Variants in IL12RB2 observed in about 807,000 individuals in gnomAD.
The protein encoded by IL12RB2 is interleukin 12 receptor subunit beta 2, also known as interleukin-12 receptor subunit beta-2.
A neutral mutation model predicts 89.4 loss-of-function variants in IL12RB2; 82 were observed. The observed-to-expected ratio is 0.92, with a 90% CI of 0.77 to 1.10. The LOEUF (loss-of-function observed/expected upper bound fraction) is 1.10. IL12RB2 is among the 50% of genes least tolerant of loss of function. The pLI is 0.00. For missense variants in IL12RB2, 963 were observed against 1,031.9 expected (o/e 0.93, Z 0.92); for synonymous variants, 368 against 370.1 (o/e 0.99, Z 0.07).
At chr1:67,317,396 C>A (rs1655916755) in intron 2 of IL12RB2, among the ~76,000 whole-genome samples, 1 of 152,220 alleles carries the variant, frequency 6.6e-6, no homozygotes, top group Non-Finnish European at 1.5e-5. Flanking sequence ...CCATCCCCAG[C>A]TTTTAGAAGC....
intron 7 of IL12RB2, 105 bp from the exon 8 acceptor site, chr1:67,330,555 A>C: frequency 1.5e-6 from 1 of 688,936 alleles, no homozygotes; most frequent in Non-Finnish European, 2.6e-6. Context: ...CTGAAAAACA[A>C]ATAAGATCAA....
chr1:67,372,582 G>A, intron 12 of IL12RB2, 43 bp from the exon 13 acceptor site: 1 of 1,609,590 alleles, frequency 6.2e-7, no homozygotes, highest in South Asian at 1.1e-5. Context: ...TTAATGATTT[G>A]GATTTGGAGG....
At position 67,397,803 on chromosome 1, in the gene IL12RB2, A is replaced by G. The variant is rs774054523; in HGVS notation, c.*1714A>G. ...TTCCCACATGAACGCTGGAACTGAGATGGCTTCCCCATCATCGTCTGGATT... is the reference window on the plus strand; with the variant it reads ...TTCCCACATGAACGCTGGAACTGAGGTGGCTTCCCCATCATCGTCTGGATT... On this transcript the variant is annotated 3_prime_UTR_variant, in exon 17 of 17. Transcript: ENST00000674203. Among the ~76,000 whole-genome samples, 2 of 152,146 alleles carry G rather than the reference A, an allele frequency of 1.3e-5. No homozygotes were observed. Among genetic ancestry groups the G allele is most frequent in the Non-Finnish European group, 2.9e-5 (2 of 68,040 alleles).
intron 10 of IL12RB2, among the ~76,000 whole-genome samples, chr1:67,367,527 G>A (rs928058489): frequency 7.2e-6 from 1 of 139,040 alleles, no homozygotes; most frequent in African/African-American, 2.6e-5. Context: ...GGGAGGGAGG[G>A]AGGAAGGGAG....
intron 9 of IL12RB2, among the ~76,000 whole-genome samples, chr1:67,338,959 C>T (rs1214735588): frequency 1.3e-5 from 2 of 152,164 alleles, no homozygotes; most frequent in Admixed American, 6.6e-5. Flanking sequence ...CATTTCCACC[C>T]TCTGACCCCA....
chr1:67,360,721 A>G (rs1427986321), intron 10 of IL12RB2, among the ~76,000 whole-genome samples: 1 of 151,846 alleles, frequency 6.6e-6, no homozygotes, highest in Non-Finnish European at 1.5e-5. Flanking sequence ...ACTTGAATCC[A>G]GGAGGCAGAG....
intron 10 of IL12RB2, among the ~76,000 whole-genome samples, chr1:67,364,519 T>C (rs1453175627): frequency 6.6e-6 from 1 of 152,220 alleles, no homozygotes; most frequent in Non-Finnish European, 1.5e-5. Flanking sequence ...CAGAACAGAC[T>C]TCAAAGCAGA....
At chr1:67,385,855 A>G (rs1026357091) in intron 14 of IL12RB2, among the ~76,000 whole-genome samples, 5 of 152,164 alleles carry the variant, frequency 3.3e-5, no homozygotes, top group Non-Finnish European at 5.9e-5. Context: ...TAAATATACC[A>G]TCTCTGATCT....
intron 9 of IL12RB2, among the ~76,000 whole-genome samples, chr1:67,345,373 A>G (rs893751378): frequency 7.2e-5 from 11 of 152,230 alleles, no homozygotes; most frequent in African/African-American, 2.7e-4. Flanking sequence ...CAGCTTATTC[A>G]GTACATTCAC....
rs10577525 is a variant in IL12RB2 at position 67,346,378 on chromosome 1, ATTTTTTTTTT to A, written c.1039-4474_1039-4465del. ...TAAAATGTCCAGGTGAGGGTTGTCT[ATTTTTTTTTT>A]TTTTTTTTTTTTTTTTTCGACAGGT... On this transcript the variant is annotated intron_variant, in intron 9 of 16. Transcript: ENST00000674203. 4.3e-3 allele frequency among the ~76,000 whole-genome samples: 405 copies of A among 93,830 alleles called. 5 individuals are homozygous for A. Among genetic ancestry groups the A allele is most frequent in the African/African-American group, 0.018 (359 of 19,440 alleles). The allele number at this position is 93,830 out of a possible 152,430, so 61.6% of individuals were successfully genotyped here.
At chr1:67,387,536 A>T (rs185994563) in intron 15 of IL12RB2, among the ~76,000 whole-genome samples, 28 of 151,364 alleles carry the variant, frequency 1.8e-4, no homozygotes, top group African/African-American at 6.8e-4. Context: ...CCCCATCTCT[A>T]CTAAAAATAC....
At chr1:67,317,702 G>T (rs1655952608) in intron 2 of IL12RB2, among the ~76,000 whole-genome samples, 1 of 152,170 alleles carries the variant, frequency 6.6e-6, no homozygotes, top group Non-Finnish European at 1.5e-5. Context: ...CTACCACAGG[G>T]ATGTTTATAG....
chr1:67,335,039 TCTCTC>T (rs1252930784), intron 8 of IL12RB2, among the ~76,000 whole-genome samples: 5 of 152,224 alleles, frequency 3.3e-5, no homozygotes, highest in Non-Finnish European at 5.9e-5. Context: ...CCTAAACCCT[TCTCTC>T]CTTCACTTGT....
chr1:67,335,579 A>G (rs1045175380), intron 8 of IL12RB2, among the ~76,000 whole-genome samples: 1 of 152,088 alleles, frequency 6.6e-6, no homozygotes, highest in African/African-American at 2.4e-5. Context: ...TCATATTTGT[A>G]TGCTTAGTCA....
intron 3 of IL12RB2, among the ~76,000 whole-genome samples, chr1:67,320,757 A>G (rs913871647): frequency 1.5e-4 from 22 of 151,428 alleles, no homozygotes; most frequent in Middle Eastern, 3.4e-3. Context: ...TTTTTATTAT[A>G]CTTTAAGTTC....
intron 9 of IL12RB2, among the ~76,000 whole-genome samples, chr1:67,349,855 G>T (rs1047657248): frequency 6.6e-6 from 1 of 152,190 alleles, no homozygotes; most frequent in Admixed American, 6.5e-5. Context: ...TAATCAGAAG[G>T]CCAATTTATT....
At chr1:67,313,709 C>A (rs1284864644) in intron 1 of IL12RB2, among the ~76,000 whole-genome samples, 1 of 152,076 alleles carries the variant, frequency 6.6e-6, no homozygotes, top group Non-Finnish European at 1.5e-5. Context: ...GCTTATAGTC[C>A]CAGCTGCTCA....
chr1:67,351,072 T>C lies in IL12RB2; in HGVS notation c.1241T>C (p.Met414Thr), dbSNP rs1660781323. 3.1e-6 allele frequency: 5 copies of C among 1,612,926 alleles called. No homozygotes were observed. Among genetic ancestry groups the C allele is most frequent in the African/African-American group, 1.3e-5 (1 of 74,896 alleles). The change falls in exon 10 of 17, where the codon ATG becomes ACG. Residue 414 changes from methionine (M) to threonine (T), a missense_variant. Transcript: ENST00000674203. ...TCTCTGCCCACTCGTATTAACATAA[T>C]GAACCTGTGTGAGGCAGGTAAGTTC... ...GSSLPTRINIMNLCEAGLLAP... is the reference protein window; with the variant it reads ...GSSLPTRINITNLCEAGLLAP...
At chr1:67,332,134 G>A (rs577313505) in intron 8 of IL12RB2, among the ~76,000 whole-genome samples, 11 of 152,040 alleles carry the variant, frequency 7.2e-5, no homozygotes, top group African/African-American at 2.4e-4. Flanking sequence ...TTCAAGGAAC[G>A]GAAGGGCCTT....
Sources: allele counts gnomAD v4.1 joint callset (sites outside exome capture counted in the v4.1 genomes callset), GRCh38; gene constraint gnomAD v4.1.1; transcripts MANE v1.5; gene names NCBI Gene and HGNC (gene_info 2026-07-23, HGNC 2026-07-21).